LAMA1: variants seen among roughly 807,000 people sequenced by gnomAD.
The protein encoded by LAMA1 is laminin subunit alpha 1, also known as laminin subunit alpha-1.
Under a neutral mutation model 348.7 loss-of-function variants are expected in LAMA1, and 219 were observed. The observed-to-expected ratio is 0.63, with a 90% CI of 0.56 to 0.70. The LOEUF is 0.70. Among genes scored for constraint, LAMA1 ranks in the 30% least tolerant of loss-of-function variants. The pLI, the probability that LAMA1 is intolerant of heterozygous loss-of-function variation, is 0.00. For missense variants in LAMA1, 3,744 were observed against 3,888.0 expected, an observed-to-expected ratio of 0.96 and a Z score of 0.99; for synonymous variants, 1,487 against 1,491.0, an observed-to-expected ratio of 1.00 and a Z score of 0.06.
Position 6,950,946 on chromosome 18 carries a change from T to G in LAMA1, c.8233A>C (p.Thr2745Pro). 1 of 1,614,074 alleles carries G rather than the reference T, an allele frequency of 6.2e-7. No individual in the cohort carries two copies. Among genetic ancestry groups the G allele is most frequent in the Non-Finnish European group, 8.5e-7 (1 of 1,180,002 alleles). ...KKLSVELSIR[T>P]FASSGLIYYM... ...TAAATCAGGCCGCTGGAGGCGAACG[T>G]GCGGATGCTTAGCTCAACCGAGAGC... Residue 2745 changes from threonine (T) to proline (P), a missense_variant, in exon 58 of 63, where the codon ACG becomes CCG. Thr to Pro is a conservative substitution (Grantham distance 38). Transcript: ENST00000389658.
chr18:6,998,523 T>C (rs955927259), intron 32 of LAMA1, among the ~76,000 whole-genome samples: 1 of 152,100 alleles, frequency 6.6e-6, no homozygotes, highest in Non-Finnish European at 1.5e-5. Context: ...AGTTTGCAAA[T>C]GCATCTTTCA....
At position 6,949,165 on chromosome 18, in the gene LAMA1, T is replaced by C. The variant is rs780100835; in HGVS notation, c.8492A>G (p.Asp2831Gly). Residue 2831 changes from aspartate to glycine, a missense_variant, in exon 59 of 63, where the codon GAT becomes GGT. Asp to Gly is a moderately conservative substitution (Grantham distance 94, BLOSUM62 -1). Transcript: ENST00000389658. The stretch of plus-strand genomic sequence containing the variant: ...TCCTAGGTAGAACAAACCCTCCACA[T>C]CCAGCATGGTTCCATCTCCCACCAC... ...VTVVGDGTML[D>G]VEGLFYLGGL... is the part of the protein sequence containing the mutation. The C allele has an allele frequency of 1.1e-5, 18 of 1,614,052 alleles. No homozygotes were observed. The South Asian group carries it at 2.0e-4, about 18-fold the overall frequency.
intron 41 of LAMA1, among the ~76,000 whole-genome samples, 183 bp from the exon 42 acceptor site, chr18:6,980,820 CGCG>C (rs1568016876): frequency 2.6e-5 from 4 of 152,150 alleles, no homozygotes; most frequent in African/African-American, 9.7e-5. Flanking sequence ...ATGGGCCAGG[CGCG>C]ATGGCTCACG....
Position 6,966,284 on chromosome 18 carries a change from C to T in LAMA1, c.6913G>A (p.Asp2305Asn). The change falls in exon 49 of 63, where the codon GAC becomes AAC. Residue 2305 changes from aspartate (D) to asparagine (N), a missense_variant. Around this residue, in one of 3 missense-constraint regions of LAMA1, gnomAD observed 1,983 missense variants for 1,934.3 expected, o/e 1.03. Transcript: ENST00000389658. Reference protein sequence around the residue: ...RGCFGSSQNEDPSFHFDGSGY... With the variant: ...RGCFGSSQNENPSFHFDGSGY... ...CTCCCGTCAAAATGGAAGGAAGGGT[C>T]TTCATTCTGGGAGCTGCAAAGCAGA... 1 of 1,613,710 alleles carries T rather than the reference C, an allele frequency of 6.2e-7. No individual in the cohort carries two copies. Among genetic ancestry groups the T allele is most frequent in the Non-Finnish European group, 8.5e-7 (1 of 1,179,896 alleles).
At chr18:7,015,881 G>C in intron 21 of LAMA1, 23 bp from the exon 22 acceptor site, 1 of 1,613,898 alleles carries the variant, frequency 6.2e-7, no homozygotes, top group African/African-American at 1.3e-5. Context: ...TGAATGCTGG[G>C]TTACAGATCT....
At chr18:7,034,387 TA>T in intron 14 of LAMA1, 91 bp downstream of exon 14, 1 of 926,494 alleles carries the variant, frequency 1.1e-6, no homozygotes, top group Non-Finnish European at 1.7e-6. Flanking sequence ...ATAATGAATG[TA>T]AAATACGTTG....
Position 7,038,752 on chromosome 18 carries a change from C to T in LAMA1, c.1563+58G>A, listed in dbSNP as rs923782810. The T allele has an allele frequency of 1.9e-6, 3 of 1,607,866 alleles. No homozygotes were observed. In the African/African-American group the frequency reaches 4.0e-5, roughly 21 times the overall value. On this transcript the variant is annotated intron_variant, in intron 11 of 62. Coordinates refer to ENST00000389658, the MANE Select transcript of LAMA1 (RefSeq NM_005559.4). ...CATTTCCTCCTCACACAGCTCGTGCCAAGCTTGTGCAATACGACCTGCTCA... is the reference window on the plus strand; with the variant it reads ...CATTTCCTCCTCACACAGCTCGTGCTAAGCTTGTGCAATACGACCTGCTCA...
At chr18:7,057,461 CTTTTCTTTTCTT>C (rs1439586644) in intron 3 of LAMA1, among the ~76,000 whole-genome samples, 6 of 128,250 alleles carry the variant, frequency 4.7e-5, no homozygotes, top group African/African-American at 1.9e-4. Flanking sequence ...TCTTTCTTTT[CTTTTCTTTTCTT>C]TTTTTTTTTT....
chr18:7,040,356 G>A, intron 9 of LAMA1, 120 bp from the exon 10 acceptor site: 1 of 988,610 alleles, frequency 1.0e-6, no homozygotes, highest in Non-Finnish European at 1.6e-6. Flanking sequence ...TGGCCTCAGA[G>A]TCTCATTTGC....
intron 33 of LAMA1, among the ~76,000 whole-genome samples, chr18:6,996,030 G>C (rs1194539480): frequency 6.6e-6 from 1 of 151,982 alleles, no homozygotes; most frequent in Non-Finnish European, 1.5e-5. Flanking sequence ...TCAAATATTT[G>C]TCTTATTTGA....
At chr18:6,992,421 C>A (rs776832210) in intron 36 of LAMA1, 140 bp downstream of exon 36, 1 of 904,750 alleles carries the variant, frequency 1.1e-6, no homozygotes, top group Non-Finnish European at 1.8e-6. Context: ...TTTACTTGAC[C>A]ACAGGGCCCC....
Position 7,057,471 on chromosome 18 carries a change from C to CTTTTTTTTTTT in LAMA1, c.346-6546_346-6536dup, listed in dbSNP as rs552843703. Among the ~76,000 whole-genome samples the CTTTTTTTTTTT allele has an allele frequency of 8.9e-4, 81 of 90,800 alleles. 1 individual carries two copies. The highest frequency in any genetic ancestry group is 2.6e-3 in the East Asian group (9 of 3,426). 59.6% of individuals were successfully genotyped at this position (90,800 alleles called of 152,430 possible). A position where few individuals can be genotyped will look rare whatever the true frequency, so the allele number is the denominator to read the frequency against. On this transcript the variant is annotated intron_variant, in intron 3 of 62. Coordinates refer to ENST00000389658, the MANE Select transcript of LAMA1 (RefSeq NM_005559.4). ...TTCTTTCTTTCTTTTCTTTTCTTTT[C>CTTTTTTTTTTT]TTTTTTTTTTTTTTTTTTTTTGAGA...
At chr18:6,996,915 T>G (rs1178499307) in intron 33 of LAMA1, among the ~76,000 whole-genome samples, 1 of 152,192 alleles carries the variant, frequency 6.6e-6, no homozygotes, top group Non-Finnish European at 1.5e-5. Flanking sequence ...AAAACTATGA[T>G]TTACTGCCAG....
At chr18:6,990,697 C>T (rs2057754883) in intron 36 of LAMA1, among the ~76,000 whole-genome samples, 1 of 152,192 alleles carries the variant, frequency 6.6e-6, no homozygotes, top group African/African-American at 2.4e-5. Context: ...TCCACCTATG[C>T]TAGACTTAGA....
At chr18:7,096,613 C>T (rs918676403) in intron 1 of LAMA1, among the ~76,000 whole-genome samples, 7 of 152,020 alleles carry the variant, frequency 4.6e-5, no homozygotes, top group African/African-American at 1.5e-4. Flanking sequence ...CGTGATCACA[C>T]CACTGCAATC....
At chr18:7,117,549 C>A in intron 1 of LAMA1, 111 bp downstream of exon 1, 4 of 1,159,588 alleles carry the variant, frequency 3.4e-6, no homozygotes, top group South Asian at 1.4e-5. Context: ...CGAGGTGGAT[C>A]AGGATGCGCG....
chr18:7,044,775 T>G lies in LAMA1; in HGVS notation c.923A>C (p.Tyr308Ser), dbSNP rs1568044317. 6 of 1,614,096 alleles carry G rather than the reference T, an allele frequency of 3.7e-6. No individual in the cohort carries two copies. The highest frequency in any genetic ancestry group is 1.7e-5 in the Admixed American group (1 of 59,996). ...TCCCGGCCTCCAGGGCTGCTGATGG[T>G]ACCCAGGACAGCACCTGTTACAGCT... ...GESCNRCCPG[Y>S]HQQPWRPGTV... is the part of the protein sequence containing the mutation. Residue 308 changes from tyrosine to serine, a missense_variant, in exon 7 of 63, where the codon TAC (tyrosine) becomes TCC (serine). Around this residue, in one of 3 missense-constraint regions of LAMA1, gnomAD observed 1,529 missense variants for 1,689.4 expected, o/e 0.91. Coordinates refer to ENST00000389658, the MANE Select transcript of LAMA1 (RefSeq NM_005559.4).
chr18:7,109,855 G>A (rs921156115), intron 1 of LAMA1, among the ~76,000 whole-genome samples: 1 of 152,122 alleles, frequency 6.6e-6, no homozygotes, highest in Non-Finnish European at 1.5e-5. Context: ...TGGATTAAAT[G>A]AAAGGACACG....
chr18:7,100,496 A>G (rs1360507014), intron 1 of LAMA1, among the ~76,000 whole-genome samples: 3 of 152,238 alleles, frequency 2.0e-5, no homozygotes, highest in South Asian at 2.1e-4. Flanking sequence ...AATGAAACCT[A>G]TATCTAAACA....
Sources: gnomAD v4.1 joint callset for allele counts (sites outside exome capture counted in the v4.1 genomes callset) on GRCh38, gnomAD v4.1.1 for gene constraint, gnomAD v4.1.1 regional missense constraint, MANE v1.5 for transcripts, NCBI Gene and HGNC (gene_info 2026-07-23, HGNC 2026-07-21) for gene names.